MYOF: variants seen among roughly 807,000 people sequenced by gnomAD.
MYOF encodes myoferlin, also known as fer-1-like 3, myoferlin.
A neutral mutation model predicts 284.2 loss-of-function variants in MYOF; 244 were observed. That is an observed-to-expected ratio of 0.86 (90% CI 0.77 to 0.95). The LOEUF (loss-of-function observed/expected upper bound fraction) is 0.95, where lower values mean the gene tolerates loss of function less well. MYOF is among the 40% of genes least tolerant of loss of function. The probability of loss-of-function intolerance (pLI) is 0.00; values close to 1 mark genes in which losing one functional copy is unlikely to be tolerated. For synonymous variants in MYOF, 904 were observed against 919.7 expected (o/e 0.98, Z 0.31); for missense variants, 2,496 against 2,560.6 (o/e 0.97, Z 0.54).
intron 4 of MYOF, among the ~76,000 whole-genome samples, chr10:93,427,589 T>C (rs1420776649): frequency 6.9e-6 from 1 of 145,582 alleles, no homozygotes; most frequent in Non-Finnish European, 1.5e-5. Flanking sequence ...TTGTGATTCA[T>C]AAAATAGGAT....
rs1410714401 is a variant in MYOF at position 93,323,077 on chromosome 10, C to A, written c.5456+1G>T. On this transcript the variant is annotated splice_donor_variant, in intron 48 of 53. Transcript: ENST00000359263. LOFTEE classifies it high-confidence loss of function. ...CAAAGTCTCTCACATGCTAACCTTA[C>A]CCTTTGACGTAGATGTCACTCATTT... 1.2e-6 allele frequency: 2 copies of A among 1,612,824 alleles called. No individual in the cohort carries two copies. Among genetic ancestry groups the A allele is most frequent in the Non-Finnish European group, 1.7e-6 (2 of 1,178,850 alleles).
At chr10:93,438,573 A>G (rs1214472024) in intron 3 of MYOF, among the ~76,000 whole-genome samples, 1 of 152,126 alleles carries the variant, frequency 6.6e-6, no homozygotes, top group Non-Finnish European at 1.5e-5. Context: ...CAGATCCCTG[A>G]GTCCGACTTT....
Position 93,369,110 on chromosome 10 carries a change from C to CTTTTTTTTTTTTTTTTTT in MYOF, c.2589+517_2589+534dup, listed in dbSNP as rs66923086. Reference sequence around the variant, plus strand: ...TATTGTTTTAGAAGTATTCAGACAGCTTTTTTTTTTTTTTTTTTTTTTGCC... The same window carrying CTTTTTTTTTTTTTTTTTT: ...TATTGTTTTAGAAGTATTCAGACAGCTTTTTTTTTTTTTTTTTTTTTTTTTTTTTTTTTTTTTTTTGCC... On this transcript the variant is annotated intron_variant, in intron 25 of 53. Transcript: ENST00000359263. Among the ~76,000 whole-genome samples the CTTTTTTTTTTTTTTTTTT allele has an allele frequency of 4.7e-4, 37 of 78,312 alleles. 7 individuals carry two copies. The highest frequency in any genetic ancestry group is 2.3e-3 in the African/African-American group (35 of 15,448). The allele number at this position is 78,312 out of a possible 152,430, so 51.4% of individuals were successfully genotyped here. A position where few individuals can be genotyped will look rare whatever the true frequency, so the allele number is the denominator to read the frequency against.
intron 3 of MYOF, among the ~76,000 whole-genome samples, chr10:93,447,816 C>T (rs1023083430): frequency 5.9e-5 from 9 of 152,152 alleles, no homozygotes; most frequent in African/African-American, 9.7e-5. Context: ...CTCCCCATCA[C>T]TGCTGTCATC....
intron 35 of MYOF, among the ~76,000 whole-genome samples, chr10:93,350,311 A>G (rs936920625): frequency 6.6e-6 from 1 of 150,720 alleles, no homozygotes; most frequent in African/African-American, 2.5e-5. Flanking sequence ...CCACCTGTAA[A>G]CTTTTTTTTT....
At chr10:93,352,169 G>A (rs1002788925) in intron 32 of MYOF, among the ~76,000 whole-genome samples, 1 of 152,128 alleles carries the variant, frequency 6.6e-6, no homozygotes, top group Non-Finnish European at 1.5e-5. Flanking sequence ...AGATACACCT[G>A]GGGTCAACAC....
At chr10:93,363,770 G>A (rs891248273) in intron 27 of MYOF, among the ~76,000 whole-genome samples, 191 bp downstream of exon 27, 1 of 152,178 alleles carries the variant, frequency 6.6e-6, no homozygotes, top group Non-Finnish European at 1.5e-5. Context: ...GAGTTAAATA[G>A]GCCTCATTTC....
intron 1 of MYOF, among the ~76,000 whole-genome samples, chr10:93,465,147 C>T (rs1363644771): frequency 2.0e-5 from 3 of 152,128 alleles, no homozygotes; most frequent in Admixed American, 2.0e-4. Context: ...GAAACCAAGA[C>T]ACAGAGAGGT....
At chr10:93,451,178 A>G (rs1159204130) in intron 3 of MYOF, among the ~76,000 whole-genome samples, 1 of 152,112 alleles carries the variant, frequency 6.6e-6, no homozygotes, top group Admixed American at 6.6e-5. Context: ...TGTCTTTACT[A>G]AAAATATAAA....
At chr10:93,399,520 G>A (rs1328971356) in intron 12 of MYOF, 25 bp from the exon 13 acceptor site, 1 of 1,541,610 alleles carries the variant, frequency 6.5e-7, no homozygotes, top group Non-Finnish European at 8.8e-7. Context: ...TTATACAGCA[G>A]AAATTAAATT....
At chr10:93,342,626 A>G (rs1162590040) in intron 38 of MYOF, among the ~76,000 whole-genome samples, 3 of 152,190 alleles carry the variant, frequency 2.0e-5, no homozygotes, top group Non-Finnish European at 4.4e-5. Context: ...AGTGAACGAA[A>G]ATACTGGCAT....
At chr10:93,418,271 G>A (rs1848215070) in intron 5 of MYOF, among the ~76,000 whole-genome samples, 1 of 152,194 alleles carries the variant, frequency 6.6e-6, no homozygotes, top group Non-Finnish European at 1.5e-5. Flanking sequence ...GAACAGGAAA[G>A]GGTAAGTTTT....
intron 20 of MYOF, 96 bp downstream of exon 20, chr10:93,381,123 G>A (rs565362826): frequency 4.7e-5 from 62 of 1,330,422 alleles, no homozygotes; most frequent in Middle Eastern, 2.5e-4. Flanking sequence ...CATAGGCTGC[G>A]TAGAACAGTG....
At position 93,351,818 on chromosome 10, in the gene MYOF, A is replaced by G. The variant is rs1564641187; in HGVS notation, c.3510T>C (p.His1170=). 1 of 1,586,812 alleles carries G rather than the reference A, an allele frequency of 6.3e-7. No homozygotes were observed. The highest frequency in any genetic ancestry group is 2.2e-5 in the East Asian group (1 of 44,788). ...GGATGATCTCAGTGGTTTTGCTCCGATGGAGGAAACAGATATGAGCATATG... is the reference window on the plus strand; with the variant it reads ...GGATGATCTCAGTGGTTTTGCTCCGGTGGAGGAAACAGATATGAGCATATG... ...SDPYAHICFL[H]RSKTTEIIHS... is the part of the protein sequence containing the mutation. Residue 1170 remains histidine (H), a synonymous_variant, in exon 33 of 54, where the codon CAT becomes CAC. Coordinates refer to ENST00000359263, the MANE Select transcript of MYOF (RefSeq NM_013451.4).
At position 93,422,793 on chromosome 10, in the gene MYOF, C is replaced by G. The variant is rs528543853; in HGVS notation, c.433+3278G>C. Among the ~76,000 whole-genome samples, 25 of 152,146 alleles carry G rather than the reference C, an allele frequency of 1.6e-4. 2 individuals carry two copies. The South Asian group carries it at 4.1e-3, about 25-fold the overall frequency. ...CCTGGGTGACAAAGCAATATTCCAT[C>G]TCAAAAAAATAAAATAAAATAAACC... On this transcript the variant is annotated intron_variant, in intron 5 of 53. Coordinates refer to ENST00000359263, the MANE Select transcript of MYOF (RefSeq NM_013451.4).
chr10:93,355,776 T>A (rs750479814), intron 30 of MYOF, 40 bp from the exon 31 acceptor site: 2 of 1,480,688 alleles, frequency 1.4e-6, no homozygotes, highest in Non-Finnish European at 1.9e-6. Context: ...GAGAAGTCAA[T>A]AAACACTGCC....
In MYOF at chr10:93,355,611, A is replaced by T; in HGVS notation, c.3403+17T>A. On this transcript the variant is annotated intron_variant, in intron 31 of 53. Coordinates refer to ENST00000359263, the MANE Select transcript of MYOF (RefSeq NM_013451.4). ...ATAAAATAAAATAAAATAAATCAAA[A>T]ATAAAACAAAACTCACTGTCAAAAT... 2 of 1,441,000 alleles carry T rather than the reference A, an allele frequency of 1.4e-6. No homozygotes were observed. Among genetic ancestry groups the T allele is most frequent in the Non-Finnish European group, 1.9e-6 (2 of 1,033,078 alleles). 89.3% of individuals were successfully genotyped at this position (1,441,000 alleles called of 1,614,324 possible).
chr10:93,408,175 C>A (rs905828498), intron 7 of MYOF, among the ~76,000 whole-genome samples: 42 of 151,926 alleles, frequency 2.8e-4, no homozygotes, highest in African/African-American at 1.0e-3. Context: ...ACCTGCTTAG[C>A]CTTGGATCTT....
chr10:93,350,094 G>C (rs1305635188), intron 35 of MYOF, 125 bp from the exon 36 acceptor site: 1 of 957,062 alleles, frequency 1.0e-6, no homozygotes, highest in Non-Finnish European at 1.5e-6. Context: ...ATCCTAGTAA[G>C]CTTGTAGGTC....
Sources: allele counts gnomAD v4.1 joint callset (sites outside exome capture counted in the v4.1 genomes callset), GRCh38; gene constraint gnomAD v4.1.1; transcripts MANE v1.5; gene names NCBI Gene and HGNC (gene_info 2026-07-23, HGNC 2026-07-21).